The following TECRL variants were observed in gnomAD, a reference collection of about 807,000 sequenced individuals.
TECRL encodes trans-2,3-enoyl-CoA reductase-like.
A neutral mutation model predicts 52.8 loss-of-function variants in TECRL; 63 were observed. The ratio of observed to expected loss-of-function variants is 1.19; its 90% CI spans 0.97 to 1.47. TECRL has a LOEUF of 1.47. Ranked by LOEUF, TECRL falls within the 40% of genes most tolerant of loss-of-function variation. The pLI is 0.00. For synonymous variants in TECRL, 164 were observed against 141.9 expected (o/e 1.16, Z -1.10); for missense variants, 482 against 429.6 (o/e 1.12, Z -1.08).
rs1325322849 is a variant in TECRL at position 64,349,370 on chromosome 4, A to T, written c.287-20814T>A. ...CTGGTCTCAAACTCCTGACTTCGTG[A>T]TCTACCCACCGCGGCCTCCCAAAGT... On this transcript the variant is annotated intron_variant, in intron 2 of 11. Transcript: ENST00000381210. 7.2e-5 allele frequency among the ~76,000 whole-genome samples: 11 copies of T among 152,048 alleles called. No individual in the cohort carries two copies. In the South Asian group the frequency reaches 2.1e-3, roughly 29 times the overall value.
At position 64,281,560 on chromosome 4, in the gene TECRL, C is replaced by G. The variant is rs763631876; in HGVS notation, c.833-1G>C. On this transcript the variant is annotated splice_acceptor_variant, in intron 9 of 11. Transcript: ENST00000381210. LOFTEE classifies it high-confidence loss of function. ...GGACTTGGGAAACAGGCATTGTTTC[C>G]TTTTTCAAAGGAAAGTAAAATGTCA... 6 of 1,576,462 alleles carry G rather than the reference C, an allele frequency of 3.8e-6. No homozygotes were observed. In the East Asian group the frequency reaches 1.4e-4, roughly 36 times the overall value.
intron 1 of TECRL, among the ~76,000 whole-genome samples, chr4:64,395,542 T>C (rs4419502): frequency 0.96 from 146,785 of 152,226 alleles, 70,955 homozygotes; most frequent in East Asian, 1. Context: ...CAAAATGTAT[T>C]GATATCATGT....
intron 2 of TECRL, among the ~76,000 whole-genome samples, chr4:64,345,972 T>C (rs1719949184): frequency 1.5e-5 from 2 of 137,408 alleles, no homozygotes; most frequent in Admixed American, 1.6e-4. Context: ...GATTTTTATT[T>C]ACTGCCACTA....
chr4:64,334,789 G>A (rs939160706), intron 2 of TECRL, among the ~76,000 whole-genome samples: 3 of 152,280 alleles, frequency 2.0e-5, no homozygotes, highest in South Asian at 2.1e-4. Context: ...CCTGTGATAC[G>A]AAGCACAAAG....
intron 1 of TECRL, among the ~76,000 whole-genome samples, chr4:64,381,144 G>C (rs1722762705): frequency 6.6e-6 from 1 of 151,378 alleles, no homozygotes; most frequent in Admixed American, 6.6e-5. Context: ...AATTTTTTTT[G>C]GTACCTATTG....
At position 64,288,987 on chromosome 4, in the gene TECRL, C is replaced by G. The variant is rs548388864; in HGVS notation, c.832+723G>C. Among the ~76,000 whole-genome samples the G allele has an allele frequency of 4.6e-5, 7 of 152,248 alleles. No homozygotes were observed. The East Asian group carries it at 1.4e-3, about 29-fold the overall frequency. ...ACTACCACTTCTTCAAGCATCTGGA[C>G]AACGTTTTGCAGGGAAGATGCTTCC... is the stretch of plus-strand genomic sequence containing the variant. On this transcript the variant is annotated intron_variant, in intron 9 of 11. Transcript: ENST00000381210.
At chr4:64,310,445 G>A (rs1198307002) in intron 5 of TECRL, among the ~76,000 whole-genome samples, 1 of 151,940 alleles carries the variant, frequency 6.6e-6, no homozygotes, top group African/African-American at 2.4e-5. Context: ...CTTTGTTTTT[G>A]TTTTGTTTGT....
chr4:64,322,523 T>C (rs1444005199), intron 4 of TECRL, among the ~76,000 whole-genome samples, 166 bp downstream of exon 4: 1 of 150,058 alleles, frequency 6.7e-6, no homozygotes, highest in African/African-American at 2.5e-5. Context: ...ATTGCTCCAA[T>C]ACTTGAGTAG....
chr4:64,314,993 T>C (rs1336392904), intron 4 of TECRL, among the ~76,000 whole-genome samples: 1 of 152,058 alleles, frequency 6.6e-6, no homozygotes, highest in Non-Finnish European at 1.5e-5. Flanking sequence ...AATAAACTGG[T>C]TTCTTTCTTC....
intron 5 of TECRL, among the ~76,000 whole-genome samples, chr4:64,313,671 C>G (rs1178552294): frequency 6.7e-6 from 1 of 149,612 alleles, no homozygotes; most frequent in Non-Finnish European, 1.5e-5. Flanking sequence ...TTAGTAGAGA[C>G]GGGGTTTCAC....
chr4:64,349,847 A>G (rs573591110), intron 2 of TECRL, among the ~76,000 whole-genome samples: 1 of 152,300 alleles, frequency 6.6e-6, no homozygotes, highest in East Asian at 1.9e-4. Flanking sequence ...ATAATAATGG[A>G]ATTTATAGGT....
chr4:64,315,524 T>A (rs551922903), intron 4 of TECRL, among the ~76,000 whole-genome samples: 35 of 152,248 alleles, frequency 2.3e-4, no homozygotes, highest in African/African-American at 8.2e-4. Context: ...AGTAATTTAC[T>A]TTGGAGTTTT....
intron 1 of TECRL, among the ~76,000 whole-genome samples, chr4:64,377,117 G>A (rs1722451594): frequency 6.6e-6 from 1 of 151,890 alleles, no homozygotes; most frequent in African/African-American, 2.4e-5. Context: ...GTGGAATAGG[G>A]ATGTATTATA....
chr4:64,397,481 G>T (rs2109767917), intron 1 of TECRL, among the ~76,000 whole-genome samples: 1 of 151,600 alleles, frequency 6.6e-6, no homozygotes. Context: ...TGGCGCCTTT[G>T]TGAGGTTATT....
chr4:64,277,158 A>AG, downstream of TECRL: 1 of 706,426 alleles, frequency 1.4e-6, no homozygotes, highest in Non-Finnish European at 2.3e-6. Flanking sequence ...ATACAAAAAA[A>AG]GTATGATGGA....
intron 7 of TECRL, among the ~76,000 whole-genome samples, chr4:64,303,259 C>T (rs185969826): frequency 6.6e-6 from 1 of 151,348 alleles, no homozygotes; most frequent in East Asian, 1.9e-4. Flanking sequence ...CAATAAATGG[C>T]ATAAGCATGG....
At chr4:64,401,657 A>G (rs1475885662) in intron 1 of TECRL, among the ~76,000 whole-genome samples, 3 of 152,232 alleles carry the variant, frequency 2.0e-5, no homozygotes, top group African/African-American at 7.2e-5. Flanking sequence ...ACATTTCATT[A>G]TAAGCTTCGT....
At chr4:64,283,175 C>A (rs186649346) in intron 9 of TECRL, among the ~76,000 whole-genome samples, 5 of 152,124 alleles carry the variant, frequency 3.3e-5, no homozygotes, top group Admixed American at 3.3e-4. Flanking sequence ...TAGAATGTCC[C>A]ATGCAATCAT....
intron 2 of TECRL, among the ~76,000 whole-genome samples, chr4:64,368,678 T>A (rs1484844721): frequency 6.6e-6 from 1 of 152,030 alleles, no homozygotes; most frequent in Admixed American, 6.6e-5. Flanking sequence ...TTTATTTTTT[T>A]AAAGTATTCT....
Sources: gnomAD v4.1 joint callset for allele counts (sites outside exome capture counted in the v4.1 genomes callset) on GRCh38, gnomAD v4.1.1 for gene constraint, MANE v1.5 for transcripts, NCBI Gene and HGNC (gene_info 2026-07-23, HGNC 2026-07-21) for gene names.